WASF1: variants seen among roughly 807,000 people sequenced by gnomAD.
The protein encoded by WASF1 is WASP family member 1, also known as actin-binding protein WASF1.
In WASF1, 7 loss-of-function variants were observed where a neutral mutation model predicts 50.5. The ratio of observed to expected loss-of-function variants is 0.14; its 90% CI spans 0.08 to 0.26. WASF1 has a LOEUF of 0.26. Among genes scored for constraint, WASF1 ranks in the 10% least tolerant of loss-of-function variants. The pLI, the probability that WASF1 is intolerant of heterozygous loss-of-function variation, is 1.00. For synonymous variants in WASF1, 205 were observed against 244.0 expected (o/e 0.84, Z 1.49); for missense variants, 470 against 694.7 (o/e 0.68, Z 3.64).
Position 110,100,469 on chromosome 6 carries a change from C to A in WASF1, c.*53G>T. The A allele has an allele frequency of 1.3e-6, 2 of 1,488,854 alleles. No individual in the cohort carries two copies. Among genetic ancestry groups the A allele is most frequent in the East Asian group, 2.5e-5 (1 of 40,690 alleles). The allele number at this position is 1,488,854 out of a possible 1,614,324, so 92.2% of individuals were successfully genotyped here. ...TGACCAAACATTTTCAAGGAACAAG[C>A]ACCACAAAGGACATTTGCATTCAGT... On this transcript the variant is annotated 3_prime_UTR_variant, in exon 11 of 11. Transcript: ENST00000392589.
intron 4 of WASF1, among the ~76,000 whole-genome samples, chr6:110,120,089 G>A (rs189929869): frequency 2.3e-4 from 35 of 152,254 alleles, no homozygotes; most frequent in African/African-American, 7.9e-4. Flanking sequence ...AAATCATACT[G>A]AATAGGCAAA....
At chr6:110,163,003 C>T (rs755591258) in intron 2 of WASF1, among the ~76,000 whole-genome samples, 4 of 151,432 alleles carry the variant, frequency 2.6e-5, no homozygotes, top group African/African-American at 4.8e-5. Context: ...AAGAATCAAC[C>T]AAAAAACTCT....
intron 3 of WASF1, among the ~76,000 whole-genome samples, chr6:110,132,168 T>G (rs1164346199): frequency 3.9e-5 from 6 of 152,218 alleles, no homozygotes; most frequent in East Asian, 1.9e-4. Context: ...TATATATTGT[T>G]GTATATATAG....
chr6:110,118,718 C>T (rs750994298), intron 4 of WASF1, among the ~76,000 whole-genome samples: 6 of 152,310 alleles, frequency 3.9e-5, no homozygotes, highest in South Asian at 2.1e-4. Flanking sequence ...CAGAACTCCA[C>T]ACCCCAAATC....
At chr6:110,132,014 T>C (rs577053320) in intron 3 of WASF1, among the ~76,000 whole-genome samples, 1 of 152,316 alleles carries the variant, frequency 6.6e-6, no homozygotes, top group African/African-American at 2.4e-5. Context: ...TTTATACATT[T>C]CTTTCTATCC....
At chr6:110,124,475 C>G (rs1301245029) in intron 4 of WASF1, among the ~76,000 whole-genome samples, 3 of 150,522 alleles carry the variant, frequency 2.0e-5, no homozygotes, top group African/African-American at 7.4e-5. Context: ...CCTAGCTCAG[C>G]TAAGGAGTAA....
intron 3 of WASF1, among the ~76,000 whole-genome samples, chr6:110,134,278 C>T (rs1185062147): frequency 6.6e-6 from 1 of 152,092 alleles, no homozygotes; most frequent in Non-Finnish European, 1.5e-5. Context: ...CTACATGTGG[C>T]TTGCCGATTA....
At chr6:110,108,055 C>T (rs549482381) in intron 6 of WASF1, among the ~76,000 whole-genome samples, 394 of 127,970 alleles carry the variant, frequency 3.1e-3, no homozygotes, top group Middle Eastern at 0.027. Flanking sequence ...CCCAGCTACT[C>T]GGTAGGCTGA....
rs112135418 is a variant in WASF1 at position 110,141,118 on chromosome 6, G to C, written c.-28-13489C>G. On this transcript the variant is annotated intron_variant, in intron 3 of 10. Transcript: ENST00000392589. ...CTAAAACCACAGAAAGCAAAACCAT[G>C]AATGAAAGGGGGACTATTGCATTAT... is the stretch of plus-strand genomic sequence containing the variant. Among the ~76,000 whole-genome samples the C allele has an allele frequency of 3.6e-3, 541 of 152,216 alleles. 4 individuals carry two copies. The highest frequency in any genetic ancestry group is 0.013 in the African/African-American group (525 of 41,514).
chr6:110,161,336 A>G (rs1776254538), intron 2 of WASF1, among the ~76,000 whole-genome samples: 1 of 151,596 alleles, frequency 6.6e-6, no homozygotes, highest in Non-Finnish European at 1.5e-5. Context: ...GGAGGAACTA[A>G]CTAGTCTAAA....
chr6:110,110,755 T>TA (rs201521428), intron 5 of WASF1, among the ~76,000 whole-genome samples: 1,815 of 152,274 alleles, frequency 0.012, 10 homozygotes, highest in South Asian at 0.028. Flanking sequence ...TGATAGTTTT[T>TA]AGTTACTACA....
At chr6:110,112,654 C>T (rs1043811493) in intron 5 of WASF1, among the ~76,000 whole-genome samples, 18 of 151,986 alleles carry the variant, frequency 1.2e-4, no homozygotes, top group African/African-American at 4.3e-4. Context: ...ATAATCCCAA[C>T]ACTTTGGGAG....
At chr6:110,170,390 T>C (rs965126717) in intron 2 of WASF1, among the ~76,000 whole-genome samples, 1 of 152,076 alleles carries the variant, frequency 6.6e-6, no homozygotes, top group Admixed American at 6.6e-5. Flanking sequence ...ACCTGGCTAA[T>C]TTCTGTATTT....
intron 3 of WASF1, among the ~76,000 whole-genome samples, chr6:110,129,582 G>T (rs1280821349): frequency 1.3e-5 from 2 of 148,396 alleles, no homozygotes; most frequent in Non-Finnish European, 2.9e-5. Context: ...GACAGTGGAA[G>T]CACAAAAGAT....
chr6:110,138,970 T>C (rs758773949), intron 3 of WASF1, among the ~76,000 whole-genome samples: 4 of 152,204 alleles, frequency 2.6e-5, no homozygotes, highest in Non-Finnish European at 5.9e-5. Flanking sequence ...ATGCTGTCCA[T>C]GGCACCCAGG....
chr6:110,122,970 T>A (rs1018064056), intron 4 of WASF1, among the ~76,000 whole-genome samples: 1 of 152,114 alleles, frequency 6.6e-6, no homozygotes, highest in Admixed American at 6.6e-5. Flanking sequence ...AAAAAAGAGA[T>A]ACCCTGGGAA....
intron 3 of WASF1, among the ~76,000 whole-genome samples, chr6:110,159,429 G>C (rs893257207): frequency 2.0e-5 from 3 of 151,886 alleles, no homozygotes; most frequent in African/African-American, 4.8e-5. Context: ...CTGAGAAAAG[G>C]AACATTATCA....
intron 4 of WASF1, among the ~76,000 whole-genome samples, chr6:110,114,485 T>C (rs960306930): frequency 8.5e-5 from 13 of 152,194 alleles, no homozygotes; most frequent in African/African-American, 3.1e-4. Flanking sequence ...CCTTGTACTT[T>C]TTGCGAATAC....
chr6:110,165,361 A>T (rs1201579134), intron 2 of WASF1, among the ~76,000 whole-genome samples: 3 of 151,646 alleles, frequency 2.0e-5, no homozygotes, highest in Non-Finnish European at 4.4e-5. Flanking sequence ...AAAGTATCTT[A>T]AAAAAGAAGT....
Sources: gnomAD v4.1 joint callset for allele counts (sites outside exome capture counted in the v4.1 genomes callset) on GRCh38, gnomAD v4.1.1 for gene constraint, MANE v1.5 for transcripts, NCBI Gene and HGNC (gene_info 2026-07-23, HGNC 2026-07-21) for gene names.